DCC: variants seen among roughly 807,000 people sequenced by gnomAD.
DCC encodes DCC netrin 1 receptor.
DCC carries 58 observed loss-of-function variants against 172.5 expected under a neutral mutation model. That is an observed-to-expected ratio of 0.34 (90% CI 0.27 to 0.42). The LOEUF is 0.42. Among genes scored for constraint, DCC ranks in the 10% least tolerant of loss-of-function variants. The probability of loss-of-function intolerance (pLI) is 1.00; values close to 1 mark genes in which losing one functional copy is unlikely to be tolerated. For synonymous variants in DCC, 709 were observed against 644.5 expected, an observed-to-expected ratio of 1.10 and a Z score of -1.52; for missense variants, 1,740 against 1,791.0, an observed-to-expected ratio of 0.97 and a Z score of 0.51.
At chr18:53,271,090 T>C (rs2056743133) in intron 12 of DCC, among the ~76,000 whole-genome samples, 1 of 152,180 alleles carries the variant, frequency 6.6e-6, no homozygotes, top group Non-Finnish European at 1.5e-5. Flanking sequence ...TACTCACCAC[T>C]GTGCTATGCT....
chr18:53,118,560 A>T (rs1172405748), intron 7 of DCC, among the ~76,000 whole-genome samples: 2 of 151,800 alleles, frequency 1.3e-5, no homozygotes, highest in Non-Finnish European at 2.9e-5. Flanking sequence ...CAGAAGTGGA[A>T]TTACTAATTC....
chr18:53,351,953 A>G (rs1414501816), intron 15 of DCC, among the ~76,000 whole-genome samples: 1 of 152,010 alleles, frequency 6.6e-6, no homozygotes, highest in African/African-American at 2.4e-5. Flanking sequence ...TATTTTGTTA[A>G]ATTTTTTCAA....
intron 12 of DCC, among the ~76,000 whole-genome samples, chr18:53,304,226 A>G (rs2057173702): frequency 6.6e-6 from 1 of 152,210 alleles, no homozygotes; most frequent in Non-Finnish European, 1.5e-5. Context: ...GACTGTTCTC[A>G]TTTAGGGCTG....
At chr18:53,260,048 C>A (rs867000328) in intron 12 of DCC, among the ~76,000 whole-genome samples, 2 of 152,196 alleles carry the variant, frequency 1.3e-5, no homozygotes, top group South Asian at 4.1e-4. Context: ...TGGTTTTCAG[C>A]TCCATCAGGT....
At chr18:52,796,995 T>A (rs2037888333) in intron 2 of DCC, among the ~76,000 whole-genome samples, 1 of 149,032 alleles carries the variant, frequency 6.7e-6, no homozygotes. Context: ...TCACATAGGC[T>A]TTCTTCATTC....
chr18:52,852,617 C>G (rs551634970), intron 2 of DCC, among the ~76,000 whole-genome samples: 1 of 144,162 alleles, frequency 6.9e-6, no homozygotes, highest in Non-Finnish European at 1.5e-5. Context: ...TAGACACTTA[C>G]CAAGTGTCTA....
At chr18:53,235,176 C>G (rs924400416) in intron 12 of DCC, among the ~76,000 whole-genome samples, 2 of 152,212 alleles carry the variant, frequency 1.3e-5, no homozygotes, top group South Asian at 4.1e-4. Context: ...CTTTAAAATG[C>G]AAGGGGAGAA....
chr18:52,887,723 T>A lies in DCC; in HGVS notation c.413-18321T>A, dbSNP rs9950907. Among the ~76,000 whole-genome samples the A allele has an allele frequency of 8.5e-4, 129 of 152,054 alleles. No homozygotes were observed. In the East Asian group the frequency reaches 0.023, roughly 27 times the overall value. On this transcript the variant is annotated intron_variant, in intron 2 of 28. Transcript: ENST00000442544. The stretch of plus-strand genomic sequence containing the variant: ...TCTAGATATTTTTTCCCTCAAAATG[T>A]CAAAATTTGGAATATCCAGTTTCAT...
intron 5 of DCC, among the ~76,000 whole-genome samples, chr18:53,020,840 A>T (rs1244440175): frequency 6.6e-6 from 1 of 152,148 alleles, no homozygotes; most frequent in African/African-American, 2.4e-5. Flanking sequence ...AGGGGGAAAA[A>T]TTTAGGGAAC....
At chr18:53,320,436 G>C (rs1266610160) in intron 13 of DCC, among the ~76,000 whole-genome samples, 2 of 152,164 alleles carry the variant, frequency 1.3e-5, no homozygotes, top group African/African-American at 4.8e-5. Context: ...GTCATAAGCT[G>C]TTATGAGTAG....
At chr18:52,817,564 T>C (rs755328421) in intron 2 of DCC, among the ~76,000 whole-genome samples, 5 of 152,118 alleles carry the variant, frequency 3.3e-5, no homozygotes, top group Admixed American at 6.5e-5. Context: ...TTGAGAATTA[T>C]AGAATCTTTT....
chr18:52,470,740 A>G (rs1988923363), intron 1 of DCC, among the ~76,000 whole-genome samples: 1 of 152,206 alleles, frequency 6.6e-6, no homozygotes, highest in African/African-American at 2.4e-5. Context: ...GAAACAAAGT[A>G]TCACATTTTC....
intron 15 of DCC, among the ~76,000 whole-genome samples, chr18:53,345,683 C>T (rs73957160): frequency 0.043 from 6,559 of 151,940 alleles, 456 homozygotes; most frequent in African/African-American, 0.15. Flanking sequence ...CTTCGTTTTG[C>T]TTTATCTGAA....
Position 53,416,551 on chromosome 18 carries a change from C to A in DCC, c.3163+395C>A. 1.2e-5 allele frequency: 3 copies of A among 258,172 alleles called. No homozygotes were observed. The South Asian group carries it at 1.3e-4, about 11-fold the overall frequency. 16.0% of individuals were successfully genotyped at this position (258,172 alleles called of 1,614,324 possible). ...AGTTCTGTAGCTCTACAGAGAAAAC[C>A]CGTAAATTATGTGTGATTTTCCTCT... On this transcript the variant is annotated intron_variant, in intron 21 of 28. Transcript: ENST00000442544.
intron 19 of DCC, among the ~76,000 whole-genome samples, chr18:53,408,976 G>A (rs1909831593): frequency 6.6e-6 from 1 of 152,194 alleles, no homozygotes; most frequent in African/African-American, 2.4e-5. Flanking sequence ...ATGGGATTAA[G>A]TGATGAGTGA....
chr18:52,835,189 T>C (rs1016504305), intron 2 of DCC, among the ~76,000 whole-genome samples: 2 of 152,312 alleles, frequency 1.3e-5, no homozygotes, highest in South Asian at 2.1e-4. Context: ...ATGCCACGTA[T>C]GGCCATGGAT....
rs200489527 is a variant in DCC at position 53,469,657 on chromosome 18, GT to G, written c.3736+1655del. On this transcript the variant is annotated intron_variant, in intron 25 of 28. Coordinates refer to ENST00000442544, the MANE Select transcript of DCC (RefSeq NM_005215.4). ...ACTCCTTCCCTTTCCTGCATCATCA[GT>G]TTTTTTTCCTTATTTATCACTGCAG... Among the ~76,000 whole-genome samples the G allele has an allele frequency of 1.9e-3, 291 of 151,648 alleles. 1 individual carries two copies. Among genetic ancestry groups the G allele is most frequent in the African/African-American group, 6.7e-3 (279 of 41,336 alleles).
At chr18:53,263,081 T>C (rs2056625146) in intron 12 of DCC, among the ~76,000 whole-genome samples, 1 of 152,188 alleles carries the variant, frequency 6.6e-6, no homozygotes, top group South Asian at 2.1e-4. Flanking sequence ...CATGAACATA[T>C]GTAAATGTTA....
At chr18:53,069,465 A>G (rs1021389818) in intron 7 of DCC, among the ~76,000 whole-genome samples, 3 of 152,164 alleles carry the variant, frequency 2.0e-5, no homozygotes. Flanking sequence ...GGCTGTGCCA[A>G]CCAAGACACT....
Sources: gnomAD v4.1 joint callset for allele counts (sites outside exome capture counted in the v4.1 genomes callset) on GRCh38, gnomAD v4.1.1 for gene constraint, MANE v1.5 for transcripts, NCBI Gene and HGNC (gene_info 2026-07-23, HGNC 2026-07-21) for gene names.